Variants in ZFYVE9 observed in about 807,000 individuals in gnomAD.
ZFYVE9 encodes zinc finger FYVE-type containing 9, also known as zinc finger FYVE domain-containing protein 9.
ZFYVE9 carries 43 observed loss-of-function variants against 126.7 expected under a neutral mutation model. The observed-to-expected ratio is 0.34, with a 90% CI of 0.27 to 0.44. The LOEUF (loss-of-function observed/expected upper bound fraction) is 0.44. ZFYVE9 is among the 20% of genes least tolerant of loss of function. The pLI is 1.00. For missense variants in ZFYVE9, 1,476 were observed against 1,697.0 expected, an observed-to-expected ratio of 0.87 and a Z score of 2.29; for synonymous variants, 521 against 597.4, an observed-to-expected ratio of 0.87 and a Z score of 1.87.
chr1:52,265,425 G>A (rs1032515340), intron 5 of ZFYVE9, among the ~76,000 whole-genome samples: 2 of 152,156 alleles, frequency 1.3e-5, no homozygotes, highest in Non-Finnish European at 2.9e-5. Context: ...TTGAAAGGAT[G>A]CTTAAAAAGA....
At chr1:52,318,774 G>A (rs1237605843) in intron 13 of ZFYVE9, among the ~76,000 whole-genome samples, 1 of 151,910 alleles carries the variant, frequency 6.6e-6, no homozygotes, top group Non-Finnish European at 1.5e-5. Flanking sequence ...TGGTATACTA[G>A]CAATGAACAA....
chr1:52,146,594 T>C (rs1056444785), intron 1 of ZFYVE9, among the ~76,000 whole-genome samples: 1 of 152,120 alleles, frequency 6.6e-6, no homozygotes, highest in African/African-American at 2.4e-5. Flanking sequence ...TTAAATGATA[T>C]AATGGGTAAA....
intron 1 of ZFYVE9, among the ~76,000 whole-genome samples, chr1:52,144,186 G>C (rs1644287429): frequency 6.6e-6 from 1 of 152,202 alleles, no homozygotes; most frequent in East Asian, 1.9e-4. Flanking sequence ...TGGCATGGTG[G>C]TGCCCACCTG....
In ZFYVE9 at chr1:52,225,040, G is replaced by A. The variant is rs544577296; in HGVS notation, c.-36-8131G>A. Among the ~76,000 whole-genome samples the A allele has an allele frequency of 1.8e-4, 28 of 152,148 alleles. No individual in the cohort carries two copies. In the South Asian group the frequency reaches 5.2e-3, roughly 28 times the overall value. On this transcript the variant is annotated intron_variant, in intron 2 of 18. Transcript: ENST00000287727. ...ACAAGGTGACCACAGAACCGAGTCC[G>A]GACTCCACACTCGCTTCGCACCCAA...
At chr1:52,264,511 A>G (rs1645614313) in intron 5 of ZFYVE9, among the ~76,000 whole-genome samples, 1 of 152,226 alleles carries the variant, frequency 6.6e-6, no homozygotes, top group Non-Finnish European at 1.5e-5. Context: ...ACTGGAAATG[A>G]TTTTAAGGGC....
At chr1:52,166,701 C>A (rs535762390) in intron 1 of ZFYVE9, among the ~76,000 whole-genome samples, 1 of 152,090 alleles carries the variant, frequency 6.6e-6, no homozygotes, top group African/African-American at 2.4e-5. Context: ...TTGCTTGAGC[C>A]CAGGAGTTCG....
intron 13 of ZFYVE9, among the ~76,000 whole-genome samples, chr1:52,304,252 ATATTTATT>A (rs911720696): frequency 2.0e-5 from 3 of 151,710 alleles, no homozygotes; most frequent in African/African-American, 7.3e-5. Flanking sequence ...CCTACTATAA[ATATTTATT>A]TATTTATTTA....
intron 1 of ZFYVE9, among the ~76,000 whole-genome samples, chr1:52,213,983 A>G (rs1033885090): frequency 1.4e-4 from 22 of 152,162 alleles, no homozygotes; most frequent in African/African-American, 5.3e-4. Flanking sequence ...GCAGAATCCT[A>G]TGTAGCCAAG....
At chr1:52,291,485 T>C (rs1645919942) in intron 10 of ZFYVE9, among the ~76,000 whole-genome samples, 3 of 152,218 alleles carry the variant, frequency 2.0e-5, no homozygotes, top group Non-Finnish European at 4.4e-5. Flanking sequence ...GAAAGTCCTT[T>C]TGCAATTCTA....
chr1:52,280,840 A>G (rs560006893), intron 9 of ZFYVE9, among the ~76,000 whole-genome samples: 1 of 152,152 alleles, frequency 6.6e-6, no homozygotes, highest in African/African-American at 2.4e-5. Flanking sequence ...TAATAAATAT[A>G]CATAAAAATA....
At chr1:52,198,320 G>A (rs1490375038) in intron 1 of ZFYVE9, among the ~76,000 whole-genome samples, 3 of 151,550 alleles carry the variant, frequency 2.0e-5, no homozygotes, top group Non-Finnish European at 2.9e-5. Flanking sequence ...GTGGGGTTTC[G>A]CTGGTCTCGA....
At chr1:52,182,353 G>A (rs950548673) in intron 1 of ZFYVE9, among the ~76,000 whole-genome samples, 1 of 152,054 alleles carries the variant, frequency 6.6e-6, no homozygotes, top group Non-Finnish European at 1.5e-5. Context: ...TGGTTGCTGT[G>A]TCTGTGTAGA....
intron 1 of ZFYVE9, among the ~76,000 whole-genome samples, chr1:52,176,693 A>G (rs575792295): frequency 7.3e-4 from 111 of 152,198 alleles, no homozygotes; most frequent in African/African-American, 2.2e-3. Context: ...AGCCTGGGCA[A>G]TGGTGGGCGC....
intron 4 of ZFYVE9, among the ~76,000 whole-genome samples, chr1:52,261,137 GC>G (rs1645575704): frequency 6.6e-6 from 1 of 151,808 alleles, no homozygotes; most frequent in African/African-American, 2.4e-5. Context: ...CTAGGCTAGA[GC>G]CTAGATTACA....
At chr1:52,323,742 A>G (rs930534251) in intron 13 of ZFYVE9, among the ~76,000 whole-genome samples, 1 of 152,158 alleles carries the variant, frequency 6.6e-6, no homozygotes, top group East Asian at 1.9e-4. Flanking sequence ...GGTGAAACCC[A>G]TCTCTACCAA....
At chr1:52,276,654 T>C (rs1013543807) in intron 8 of ZFYVE9, among the ~76,000 whole-genome samples, 6 of 152,206 alleles carry the variant, frequency 3.9e-5, no homozygotes, top group African/African-American at 1.4e-4. Context: ...AATACCCCTC[T>C]CTACTGTAGA....
chr1:52,230,642 C>T (rs961704139), intron 2 of ZFYVE9, among the ~76,000 whole-genome samples: 1 of 151,998 alleles, frequency 6.6e-6, no homozygotes, highest in Non-Finnish European at 1.5e-5. Flanking sequence ...CTGGGGTACC[C>T]TTGGCTGCCT....
At chr1:52,195,301 T>C (rs1644850123) in intron 1 of ZFYVE9, among the ~76,000 whole-genome samples, 1 of 151,984 alleles carries the variant, frequency 6.6e-6, no homozygotes, top group Admixed American at 6.5e-5. Flanking sequence ...TATACATACC[T>C]AGTGGTTAAG....
intron 13 of ZFYVE9, among the ~76,000 whole-genome samples, chr1:52,305,648 A>T (rs939672224): frequency 3.3e-5 from 5 of 152,040 alleles, no homozygotes; most frequent in Non-Finnish European, 7.4e-5. Context: ...CCCAAGGTGC[A>T]GCTGCCCAAG....
Sources: allele counts gnomAD v4.1 joint callset (sites outside exome capture counted in the v4.1 genomes callset), GRCh38; gene constraint gnomAD v4.1.1; transcripts MANE v1.5; gene names NCBI Gene and HGNC (gene_info 2026-07-23, HGNC 2026-07-21).